Variants in SLC24A3 observed in about 807,000 individuals in gnomAD.
SLC24A3 encodes the protein sodium/potassium/calcium exchanger 3.
In SLC24A3, 28 loss-of-function variants were observed where a neutral mutation model predicts 75.8. The ratio of observed to expected loss-of-function variants is 0.37; its 90% confidence interval spans 0.27 to 0.51. The LOEUF is 0.51. Among genes scored for constraint, SLC24A3 ranks in the 20% least tolerant of loss-of-function variants. SLC24A3 has a pLI of 0.94. For missense variants in SLC24A3, 663 were observed against 847.8 expected (o/e 0.78, Z 2.71); for synonymous variants, 372 against 334.1 (o/e 1.11, Z -1.24).
chr20:19,367,222 G>T (rs886402184), intron 2 of SLC24A3, among the ~76,000 whole-genome samples: 4 of 152,238 alleles, frequency 2.6e-5, no homozygotes, highest in Non-Finnish European at 4.4e-5. Flanking sequence ...AAGTGGAGTT[G>T]CCTGAGCAAT....
At chr20:19,408,422 C>T in intron 2 of SLC24A3, among the ~76,000 whole-genome samples, 1 of 148,552 alleles carries the variant, frequency 6.7e-6, no homozygotes, top group Non-Finnish European at 1.5e-5. Context: ...CAGAGTCTCG[C>T]TCTGCCACCC....
chr20:19,591,118 G>T (rs986169461), intron 6 of SLC24A3, among the ~76,000 whole-genome samples: 1 of 152,152 alleles, frequency 6.6e-6, no homozygotes, highest in African/African-American at 2.4e-5. Context: ...CCCAGGCCCA[G>T]AGTTCTGCTA....
chr20:19,617,244 G>A (rs527765604), intron 6 of SLC24A3, among the ~76,000 whole-genome samples: 16 of 152,324 alleles, frequency 1.1e-4, no homozygotes, highest in African/African-American at 3.1e-4. Flanking sequence ...AGACGAGGCC[G>A]TGGAGCCTGC....
At chr20:19,667,231 TG>T (rs1285929304) in intron 8 of SLC24A3, among the ~76,000 whole-genome samples, 5 of 152,188 alleles carry the variant, frequency 3.3e-5, no homozygotes, top group African/African-American at 1.2e-4. Flanking sequence ...CTCTCCTCTT[TG>T]CAAGAAGAAA....
intron 2 of SLC24A3, among the ~76,000 whole-genome samples, chr20:19,497,250 A>G (rs960819694): frequency 1.3e-5 from 2 of 152,232 alleles, no homozygotes; most frequent in African/African-American, 4.8e-5. Context: ...CATTTCCGGC[A>G]CTCAAATAAG....
intron 2 of SLC24A3, among the ~76,000 whole-genome samples, chr20:19,342,750 G>A (rs1000854968): frequency 6.6e-6 from 1 of 152,120 alleles, no homozygotes; most frequent in African/African-American, 2.4e-5. Flanking sequence ...GTCGAAGGTG[G>A]GTCTTTGATA....
chr20:19,721,017 G>C lies in SLC24A3; in HGVS notation c.1812G>C (p.Trp604Cys). 6.2e-7 allele frequency: 1 copy of C among 1,614,052 alleles called. No individual in the cohort carries two copies. Among genetic ancestry groups the C allele is most frequent in the Non-Finnish European group, 8.5e-7 (1 of 1,180,008 alleles). ...VTVFGVHLNK[W>C]QLDKKLGCGC... ...TGTTCGGCGTCCACCTGAACAAGTG[G>C]CAGCTGGACAAGAAGCTGGGCTGTG... Residue 604 changes from tryptophan (W) to cysteine (C), a missense_variant, in exon 17 of 17, where the codon TGG becomes TGC. By Grantham distance (215) the Trp-to-Cys change is radical (BLOSUM62 -2). This residue lies in a region of SLC24A3 where 510 missense variants were observed against 703.6 expected (regional missense o/e 0.72). Coordinates refer to ENST00000328041, the MANE Select transcript of SLC24A3 (RefSeq NM_020689.4).
chr20:19,665,846 CTTTT>C lies in SLC24A3; in HGVS notation c.688-16_688-13del, dbSNP rs747277790. 1.8e-5 allele frequency: 28 copies of C among 1,519,850 alleles called. No homozygotes were observed. Among genetic ancestry groups the C allele is most frequent in the Non-Finnish European group, 1.8e-5 (20 of 1,116,234 alleles). 94.1% of individuals were successfully genotyped at this position (1,519,850 alleles called of 1,614,324 possible). ...GTGTGTGTGTGTCTAATCTTCTATT[CTTTT>C]TATTTTTTCACAGTTTATTTATGAT... On this transcript the variant is annotated splice_polypyrimidine_tract_variant and intron_variant, in intron 7 of 16. Coordinates refer to ENST00000328041, the MANE Select transcript of SLC24A3 (RefSeq NM_020689.4).
chr20:19,475,219 G>T (rs1987942650), intron 2 of SLC24A3, among the ~76,000 whole-genome samples: 1 of 151,964 alleles, frequency 6.6e-6, no homozygotes, highest in Non-Finnish European at 1.5e-5. Context: ...GTTGCCTGTA[G>T]TCACAGCTAC....
chr20:19,477,732 T>A (rs1231610322), intron 2 of SLC24A3, among the ~76,000 whole-genome samples: 1 of 152,158 alleles, frequency 6.6e-6, no homozygotes, highest in Non-Finnish European at 1.5e-5. Flanking sequence ...GCAAATGGCT[T>A]GATTATGGTC....
At chr20:19,501,414 C>T (rs1315809818) in intron 2 of SLC24A3, among the ~76,000 whole-genome samples, 3 of 152,178 alleles carry the variant, frequency 2.0e-5, no homozygotes, top group Non-Finnish European at 4.4e-5. Flanking sequence ...TAAAGCTTCA[C>T]AAGTTTCTCT....
intron 2 of SLC24A3, among the ~76,000 whole-genome samples, chr20:19,314,068 C>T (rs1003642242): frequency 2.0e-5 from 3 of 147,820 alleles, no homozygotes; most frequent in Non-Finnish European, 4.4e-5. Flanking sequence ...TTATCCAGCT[C>T]ATGTTTACAG....
intron 2 of SLC24A3, among the ~76,000 whole-genome samples, chr20:19,375,652 C>A (rs1252791222): frequency 6.6e-6 from 1 of 152,206 alleles, no homozygotes; most frequent in East Asian, 1.9e-4. Flanking sequence ...GGGAAGTGTG[C>A]TGCGGCCATC....
chr20:19,589,552 A>G (rs141725226), intron 6 of SLC24A3, among the ~76,000 whole-genome samples: 2 of 152,326 alleles, frequency 1.3e-5, no homozygotes, highest in Non-Finnish European at 2.9e-5. Context: ...AACATTTGCT[A>G]TGAACTCAAG....
In SLC24A3 at chr20:19,696,836, A is replaced by C. The variant is rs140528062; in HGVS notation, c.1531A>C (p.Ile511Leu). 49 of 1,614,080 alleles carry C rather than the reference A, an allele frequency of 3.0e-5. No homozygotes were observed. In the African/African-American group the frequency reaches 5.6e-4, roughly 18 times the overall value. The change falls in exon 14 of 17, where the codon ATC becomes CTC. Residue 511 changes from isoleucine to leucine, a missense_variant. Around this residue, in one of 2 missense-constraint regions of SLC24A3, gnomAD observed 510 missense variants for 703.6 expected, o/e 0.72. Coordinates refer to ENST00000328041, the MANE Select transcript of SLC24A3 (RefSeq NM_020689.4). ...TTACACCCTGGGGATTCCTGACGTCATCATGGGGATCACCTTCCTGGCTGC... is the reference window on the plus strand; with the variant it reads ...TTACACCCTGGGGATTCCTGACGTCCTCATGGGGATCACCTTCCTGGCTGC... Reference protein sequence around the residue: ...IGYTLGIPDVIMGITFLAAGT... With the variant: ...IGYTLGIPDVLMGITFLAAGT...
intron 2 of SLC24A3, among the ~76,000 whole-genome samples, chr20:19,328,012 A>G (rs1984911326): frequency 6.6e-6 from 1 of 152,118 alleles, no homozygotes; most frequent in South Asian, 2.1e-4. Context: ...GAGAGGGATG[A>G]CAAGTTGGGG....
chr20:19,710,460 C>T (rs781668499), intron 15 of SLC24A3, among the ~76,000 whole-genome samples: 1 of 152,158 alleles, frequency 6.6e-6, no homozygotes, highest in Non-Finnish European at 1.5e-5. Context: ...ACAACAACTG[C>T]CAAGAGGGAA....
rs145724990 is a variant in SLC24A3 at position 19,715,430 on chromosome 20, C to G, written c.1720-2098C>G. On this transcript the variant is annotated intron_variant, in intron 15 of 16. Transcript: ENST00000328041. ...AGGTTAAGCCATTGCTCTAGTGTCACAGAGATATGACTTGAGTCTTCCTTT... is the reference window on the plus strand; with the variant it reads ...AGGTTAAGCCATTGCTCTAGTGTCAGAGAGATATGACTTGAGTCTTCCTTT... 1.3e-4 allele frequency among the ~76,000 whole-genome samples: 20 copies of G among 152,322 alleles called. No homozygotes were observed. In the East Asian group the frequency reaches 3.9e-3, roughly 29 times the overall value.
intron 2 of SLC24A3, among the ~76,000 whole-genome samples, chr20:19,467,502 C>T (rs576635798): frequency 6.6e-6 from 1 of 152,212 alleles, no homozygotes; most frequent in East Asian, 1.9e-4. Flanking sequence ...AGAGGTCAAG[C>T]CTGGAGATAC....
Sources: allele counts gnomAD v4.1 joint callset (sites outside exome capture counted in the v4.1 genomes callset), GRCh38; gene constraint gnomAD v4.1.1; regional missense constraint gnomAD v4.1.1; transcripts MANE v1.5; gene names NCBI Gene and HGNC (gene_info 2026-07-23, HGNC 2026-07-21).